Variants in FILIP1 observed in about 807,000 individuals in gnomAD.
FILIP1 encodes the protein filamin A interacting protein 1, also known as filamin-A-interacting protein 1.
Under a neutral mutation model 102.1 loss-of-function variants are expected in FILIP1, and 61 were observed. The observed-to-expected ratio is 0.60, with a 90% CI of 0.49 to 0.74. The LOEUF (loss-of-function observed/expected upper bound fraction) is 0.74, where lower values mean the gene tolerates loss of function less well. Ranked by LOEUF, FILIP1 falls within the 30% of genes least tolerant of loss-of-function variation. The pLI is 0.00. For missense variants in FILIP1, 1,314 were observed against 1,441.2 expected, an observed-to-expected ratio of 0.91 and a Z score of 1.43; for synonymous variants, 491 against 526.9, an observed-to-expected ratio of 0.93 and a Z score of 0.93.
rs1562457215 is a variant in FILIP1 at position 75,322,726 on chromosome 6, A to G, written c.630-7524T>C. ...TACTTTTTTTTGAGACAGAGTCTCA[A>G]TCTGTCACTCAGGCTGAAGTGCAGT... On this transcript the variant is annotated intron_variant, in intron 4 of 5. Coordinates refer to ENST00000237172, the MANE Select transcript of FILIP1 (RefSeq NM_015687.5). 2.6e-5 allele frequency among the ~76,000 whole-genome samples: 4 copies of G among 152,140 alleles called. No individual in the cohort carries two copies. The East Asian group carries it at 5.8e-4, about 22-fold the overall frequency.
Position 75,312,973 on chromosome 6 carries a change from G to C in FILIP1, c.2859C>G (p.Thr953=), listed in dbSNP as rs772294193. The change falls in exon 5 of 6, where the codon ACC becomes ACG. Residue 953 remains threonine, a synonymous_variant. Coordinates refer to ENST00000237172, the MANE Select transcript of FILIP1 (RefSeq NM_015687.5). ...PTLGNQKPRI[T]IIPSPNVMPQ... ...GCATAACGTTTGGTGATGGAATAAT[G>C]GTTATTCTTGGTTTCTGATTCCCTA... 2.2e-5 allele frequency: 35 copies of C among 1,614,002 alleles called. No homozygotes were observed. Among genetic ancestry groups the C allele is most frequent in the Non-Finnish European group, 1.0e-5 (12 of 1,180,018 alleles).
intron 1 of FILIP1, among the ~76,000 whole-genome samples, chr6:75,460,029 G>A (rs1261593852): frequency 1.3e-5 from 2 of 152,156 alleles, no homozygotes; most frequent in Non-Finnish European, 2.9e-5. Flanking sequence ...AGCCAATAAA[G>A]TTAATGGTGA....
At chr6:75,451,820 C>T (rs1044637404) in intron 1 of FILIP1, among the ~76,000 whole-genome samples, 7 of 151,372 alleles carry the variant, frequency 4.6e-5, no homozygotes, top group Admixed American at 2.0e-4. Context: ...GGCATTGCAG[C>T]GAGACTCCAT....
intron 5 of FILIP1, among the ~76,000 whole-genome samples, chr6:75,310,677 T>A (rs1042552942): frequency 1.3e-5 from 2 of 152,230 alleles, no homozygotes; most frequent in African/African-American, 4.8e-5. Context: ...GCAGAAAATA[T>A]GCTTTAAGTT....
intron 4 of FILIP1, among the ~76,000 whole-genome samples, chr6:75,341,098 A>T (rs1582370462): frequency 1.3e-5 from 2 of 151,692 alleles, no homozygotes; most frequent in Admixed American, 1.3e-4. Flanking sequence ...TAAAAAGTTG[A>T]TATTAGGATT....
intron 5 of FILIP1, 32 bp downstream of exon 5, chr6:75,312,365 C>T (rs759923949): frequency 4.3e-5 from 69 of 1,587,538 alleles, no homozygotes; most frequent in South Asian, 1.7e-4. Flanking sequence ...CCTCCCTCTG[C>T]AGGCCTGCGC....
At chr6:75,471,993 A>C (rs1186384357) in intron 1 of FILIP1, among the ~76,000 whole-genome samples, 2 of 152,110 alleles carry the variant, frequency 1.3e-5, no homozygotes, top group East Asian at 3.8e-4. Context: ...TAAAGTTATA[A>C]TTTTTTATAA....
chr6:75,436,554 C>T (rs1778029475), intron 1 of FILIP1, among the ~76,000 whole-genome samples: 1 of 152,134 alleles, frequency 6.6e-6, no homozygotes, highest in South Asian at 2.1e-4. Context: ...AGAAAGCATA[C>T]TTTTGTCACA....
intron 4 of FILIP1, among the ~76,000 whole-genome samples, chr6:75,343,670 G>A (rs6929270): frequency 6.6e-6 from 1 of 151,972 alleles, no homozygotes; most frequent in East Asian, 1.9e-4. Context: ...CTGTTCTCCC[G>A]TTTAGTTGTG....
At chr6:75,331,674 C>A (rs184420343) in intron 4 of FILIP1, among the ~76,000 whole-genome samples, 1 of 152,134 alleles carries the variant, frequency 6.6e-6, no homozygotes, top group African/African-American at 2.4e-5. Flanking sequence ...TTTGTCAGAA[C>A]TGGAAAGATC....
intron 2 of FILIP1, among the ~76,000 whole-genome samples, chr6:75,368,035 A>C (rs957542904): frequency 2.6e-5 from 4 of 152,250 alleles, no homozygotes; most frequent in Non-Finnish European, 5.9e-5. Context: ...TCTATGTTCA[A>C]CTTATTTACT....
rs749529447 is a variant in FILIP1 at position 75,308,894 on chromosome 6, C to T, written c.3439G>A (p.Gly1147Arg). The stretch of plus-strand genomic sequence containing the variant: ...GGCCGCTGGGATGACCCGTCTTGTC[C>T]TGACTGTAAGAGAGAAAATACGTAG... ...SSARGTQSVS[G>R]QDGSSQRPTP... Residue 1147 changes from glycine to arginine, a missense_variant, in exon 6 of 6, where the codon GGA (glycine) becomes AGA (arginine). Physicochemically the swap from Gly to Arg is moderately radical, Grantham distance 125. Coordinates refer to ENST00000237172, the MANE Select transcript of FILIP1 (RefSeq NM_015687.5). The T allele has an allele frequency of 6.2e-7, 1 of 1,614,016 alleles. No individual in the cohort carries two copies. The highest frequency in any genetic ancestry group is 2.2e-5 in the East Asian group (1 of 44,870).
At chr6:75,439,432 T>G (rs1444280517) in intron 1 of FILIP1, among the ~76,000 whole-genome samples, 1 of 152,106 alleles carries the variant, frequency 6.6e-6, no homozygotes. Context: ...AAACACATGT[T>G]CTTTGTCCCT....
intron 2 of FILIP1, among the ~76,000 whole-genome samples, chr6:75,402,698 T>G (rs1361167069): frequency 6.6e-6 from 1 of 152,218 alleles, no homozygotes; most frequent in East Asian, 1.9e-4. Context: ...CCATCTGAAC[T>G]GATTATCACC....
At chr6:75,461,434 C>T (rs886489542) in intron 1 of FILIP1, among the ~76,000 whole-genome samples, 20 of 152,028 alleles carry the variant, frequency 1.3e-4, no homozygotes, top group African/African-American at 4.6e-4. Flanking sequence ...CTTATGTTCA[C>T]GTATATATTT....
At chr6:75,372,723 AGAAAGAG>A (rs1775599936) in intron 2 of FILIP1, among the ~76,000 whole-genome samples, 1 of 56,584 alleles carries the variant, frequency 1.8e-5, no homozygotes, top group African/African-American at 1.0e-4. Context: ...GGAAAGAAAG[AGAAAGAG>A]AAAGAAAGAA....
chr6:75,479,895 A>AAAAG (rs1779602207), intron 1 of FILIP1, among the ~76,000 whole-genome samples: 2 of 149,734 alleles, frequency 1.3e-5, no homozygotes, highest in African/African-American at 2.4e-5. Flanking sequence ...AAAAAAAAAA[A>AAAAG]GTCTTATATT....
intron 4 of FILIP1, among the ~76,000 whole-genome samples, chr6:75,335,079 C>G (rs1443971612): frequency 6.6e-6 from 1 of 152,114 alleles, no homozygotes; most frequent in African/African-American, 2.4e-5. Context: ...CTCAAACTAG[C>G]TAAACTCTAT....
intron 2 of FILIP1, among the ~76,000 whole-genome samples, chr6:75,382,981 G>A (rs1437861742): frequency 6.6e-6 from 1 of 152,288 alleles, no homozygotes; most frequent in East Asian, 1.9e-4. Context: ...TATATTTTGA[G>A]AGTCTTCACC....
Sources: gnomAD v4.1 joint callset for allele counts (sites outside exome capture counted in the v4.1 genomes callset) on GRCh38, gnomAD v4.1.1 for gene constraint, MANE v1.5 for transcripts, NCBI Gene and HGNC (gene_info 2026-07-23, HGNC 2026-07-21) for gene names.